ZFYVE21: variants seen among roughly 807,000 people sequenced by gnomAD.
The protein encoded by ZFYVE21 is zinc finger FYVE-type containing 21, also known as zinc finger FYVE domain-containing protein 21.
In ZFYVE21, 21 loss-of-function variants were observed where a neutral mutation model predicts 29.5. The ratio of observed to expected loss-of-function variants is 0.71; its 90% CI spans 0.50 to 1.02. The LOEUF is 1.02. Ranked by LOEUF, ZFYVE21 falls within the 50% of genes least tolerant of loss-of-function variation. The pLI, the probability that ZFYVE21 is intolerant of heterozygous loss-of-function variation, is 0.00. For missense variants in ZFYVE21, 326 were observed against 335.4 expected, an observed-to-expected ratio of 0.97 and a Z score of 0.22; for synonymous variants, 151 against 133.8, an observed-to-expected ratio of 1.13 and a Z score of -0.89.
At chr14:103,730,044 T>C in intron 5 of ZFYVE21, 1 of 625,674 alleles carries the variant, frequency 1.6e-6, no homozygotes, top group Non-Finnish European at 2.7e-6. Flanking sequence ...CCGCAGCAGA[T>C]GTACTTTCTC....
At chr14:103,727,066 C>T (rs2083933697) in intron 2 of ZFYVE21, 2 of 506,730 alleles carry the variant, frequency 3.9e-6, no homozygotes, top group Non-Finnish European at 3.5e-6. Flanking sequence ...CTGCCTCAGC[C>T]TCCTGAGTAG....
Position 103,715,955 on chromosome 14 carries a change from G to C in ZFYVE21, c.114G>C (p.Glu38Asp). The stretch of plus-strand genomic sequence containing the variant: ...TCGGAAGCCCGTTCGGCCTGGAGGA[G>C]CCGCAGTGGGTCCCGGACAAGGAGG... ...RAFGSPFGLE[E>D]PQWVPDKECR... Residue 38 changes from glutamate (E) to aspartate (D), a missense_variant, in exon 1 of 7, where the codon GAG becomes GAC. Glu to Asp is a conservative substitution (Grantham distance 45, BLOSUM62 2). Transcript: ENST00000311141. The C allele has an allele frequency of 7.1e-7, 1 of 1,405,378 alleles. No homozygotes were observed. The highest frequency in any genetic ancestry group is 9.4e-7 in the Non-Finnish European group (1 of 1,067,346). 87.1% of individuals were successfully genotyped at this position (1,405,378 alleles called of 1,614,324 possible).
rs751960117 is a variant in ZFYVE21, at chr14:103,726,742, C to T, written c.139-50C>T. 1.4e-5 allele frequency: 23 copies of T among 1,609,950 alleles called. No homozygotes were observed. In the Admixed American group the frequency reaches 1.5e-4, roughly 11 times the overall value. The stretch of plus-strand genomic sequence containing the variant: ...GCAGCCCGTGGTCGTGCCCCAGCGA[C>T]GTGGTGAGTGACCAAGCTGCGTTTT... On this transcript the variant is annotated intron_variant, in intron 1 of 6. Coordinates refer to ENST00000311141, the MANE Select transcript of ZFYVE21 (RefSeq NM_024071.4).
rs753077065 is a variant in ZFYVE21, at chr14:103,732,674, A to C, written c.581A>C (p.Glu194Ala). 1 of 1,612,106 alleles carries C rather than the reference A, an allele frequency of 6.2e-7. No individual in the cohort carries two copies. The highest frequency in any genetic ancestry group is 1.1e-5 in the South Asian group (1 of 90,894). Residue 194 changes from glutamate to alanine, a missense_variant, in exon 6 of 7, where the codon GAG (glutamate) becomes GCG (alanine). Glu to Ala is a moderately radical substitution (Grantham distance 107). Coordinates refer to ENST00000311141, the MANE Select transcript of ZFYVE21 (RefSeq NM_024071.4). ...MFLQYTVPGT[E>A]GVTQLKLTVV... ...CTGCAGTATACAGTGCCGGGGACGG[A>C]GGGTGTGACCCAGCTGAAGCTGACA...
At chr14:103,723,062 C>G (rs1323391034) in intron 1 of ZFYVE21, among the ~76,000 whole-genome samples, 5 of 152,232 alleles carry the variant, frequency 3.3e-5, no homozygotes, top group Non-Finnish European at 7.3e-5. Flanking sequence ...TGAGAGCCCT[C>G]TCCCCTCCTG....
At chr14:103,721,464 C>A (rs2083871995) in intron 1 of ZFYVE21, among the ~76,000 whole-genome samples, 1 of 152,224 alleles carries the variant, frequency 6.6e-6, no homozygotes. Context: ...ACGGAGGCCT[C>A]CCATGGAGGT....
At chr14:103,719,472 AG>A (rs2083855804) in intron 1 of ZFYVE21, among the ~76,000 whole-genome samples, 1 of 150,844 alleles carries the variant, frequency 6.6e-6, no homozygotes, top group East Asian at 1.9e-4. Flanking sequence ...AAAAAAAAAA[AG>A]TCCAGGTAAG....
chr14:103,726,748 G>A, intron 1 of ZFYVE21, 44 bp from the exon 2 acceptor site: 2 of 1,612,324 alleles, frequency 1.2e-6, no homozygotes, highest in Non-Finnish European at 1.7e-6. Flanking sequence ...GCGACGTGGT[G>A]AGTGACCAAG....
intron 2 of ZFYVE21, 52 bp from the exon 3 acceptor site, chr14:103,727,694 G>T (rs778090559): frequency 1.3e-6 from 2 of 1,591,644 alleles, no homozygotes; most frequent in Non-Finnish European, 1.7e-6. Context: ...CCACACCCGG[G>T]GCCGCTTGTT....
intron 1 of ZFYVE21, chr14:103,726,517 C>G (rs956973557): frequency 7.5e-5 from 32 of 426,172 alleles, no homozygotes; most frequent in African/African-American, 5.5e-4. Flanking sequence ...TGCTCTGCTG[C>G]GAGACAGTCA....
chr14:103,715,872 G>A lies in ZFYVE21; in HGVS notation c.31G>A (p.Ala11Thr), dbSNP rs2083798406. The A allele has an allele frequency of 1.4e-5, 20 of 1,431,212 alleles. No individual in the cohort carries two copies. The highest frequency in any genetic ancestry group is 1.7e-5 in the Non-Finnish European group (19 of 1,087,374). 88.7% of individuals were successfully genotyped at this position (1,431,212 alleles called of 1,614,324 possible). A position where few individuals can be genotyped will look rare whatever the true frequency, so the allele number is the denominator to read the frequency against. Residue 11 changes from alanine (A) to threonine (T), a missense_variant, in exon 1 of 7, where the codon GCC (alanine) becomes ACC (threonine). Transcript: ENST00000311141. MSSEVSARRD[A>T]KKLVRSPSGL... The stretch of plus-strand genomic sequence containing the variant: ...CTCCGAGGTGTCCGCGCGCCGCGAC[G>A]CCAAGAAGCTGGTGCGCTCCCCGAG...
chr14:103,719,595 C>G (rs1196165193), intron 1 of ZFYVE21, among the ~76,000 whole-genome samples: 1 of 151,776 alleles, frequency 6.6e-6, no homozygotes, highest in Non-Finnish European at 1.5e-5. Flanking sequence ...CTGTGATCTC[C>G]TCTGGCTCGT....
intron 1 of ZFYVE21, 32 bp from the exon 2 acceptor site, chr14:103,726,760 T>A (rs199891184): frequency 6.2e-7 from 1 of 1,613,410 alleles, no homozygotes; most frequent in African/African-American, 1.3e-5. Flanking sequence ...GTGACCAAGC[T>A]GCGTTTTAAC....
intron 1 of ZFYVE21, among the ~76,000 whole-genome samples, chr14:103,721,020 T>C (rs12433022): frequency 0.18 from 27,745 of 151,894 alleles, 2,860 homozygotes; most frequent in Admixed American, 0.27. Flanking sequence ...GGGACAGGGT[T>C]GTGCTATGTT....
chr14:103,722,558 G>A (rs968220832), intron 1 of ZFYVE21, among the ~76,000 whole-genome samples: 10 of 151,978 alleles, frequency 6.6e-5, no homozygotes, highest in African/African-American at 1.2e-4. Context: ...GGTGGCTCAC[G>A]CCTGTAATCC....
At chr14:103,728,822 G>T (rs1425896749) in intron 3 of ZFYVE21, 86 bp from the exon 4 acceptor site, 24 of 1,305,622 alleles carry the variant, frequency 1.8e-5, no homozygotes, top group Middle Eastern at 2.1e-4. Flanking sequence ...TGTCCTCTGT[G>T]CGTGCGTCTC....
At position 103,732,573 on chromosome 14, in the gene ZFYVE21, C is replaced by T. The variant is rs772707365; in HGVS notation, c.527-47C>T. On this transcript the variant is annotated intron_variant, in intron 5 of 6. Coordinates refer to ENST00000311141, the MANE Select transcript of ZFYVE21 (RefSeq NM_024071.4). ...GCCTTGGGGCTGGTGGCCGCCTGGG[C>T]ACTCAGGGCCTCCTTTGGGCCGTCT... The T allele has an allele frequency of 7.3e-6, 11 of 1,512,490 alleles. No homozygotes were observed. In the East Asian group the frequency reaches 1.9e-4, roughly 26 times the overall value. The allele number at this position is 1,512,490 out of a possible 1,614,324, so 93.7% of individuals were successfully genotyped here.
At chr14:103,728,646 T>G in intron 3 of ZFYVE21, 6 of 432,232 alleles carry the variant, frequency 1.4e-5, no homozygotes, top group Admixed American at 4.0e-5. Flanking sequence ...CCCTGCATCG[T>G]TTGAAGGATG....
chr14:103,724,519 C>T (rs2083901957), intron 1 of ZFYVE21: 2 of 152,292 alleles, frequency 1.3e-5, no homozygotes, highest in African/African-American at 4.8e-5. Flanking sequence ...AGTTTATGCT[C>T]GCCAGGTAAT....
Sources: allele counts gnomAD v4.1 joint callset (sites outside exome capture counted in the v4.1 genomes callset), GRCh38; gene constraint gnomAD v4.1.1; transcripts MANE v1.5; gene names NCBI Gene and HGNC (gene_info 2026-07-23, HGNC 2026-07-21).